The following USP48 variants were observed in gnomAD, a reference collection of about 807,000 sequenced individuals.
The protein encoded by USP48 is ubiquitin specific peptidase 48, also known as ubiquitin carboxyl-terminal hydrolase 48.
USP48 carries 43 observed loss-of-function variants against 150.7 expected under a neutral mutation model. The observed-to-expected ratio is 0.29, with a 90% CI of 0.22 to 0.37. The LOEUF (loss-of-function observed/expected upper bound fraction) is 0.37. USP48 is among the 10% of genes least tolerant of loss of function. USP48 has a pLI of 1.00. For missense variants in USP48, 813 were observed against 1,249.6 expected (o/e 0.65, Z 5.27); for synonymous variants, 396 against 425.9 (o/e 0.93, Z 0.86).
At chr1:21,735,262 T>C (rs900521025) in intron 9 of USP48, among the ~76,000 whole-genome samples, 1 of 152,194 alleles carries the variant, frequency 6.6e-6, no homozygotes, top group African/African-American at 2.4e-5. Context: ...AAACCATCTC[T>C]GGAACAAAAT....
intron 1 of USP48, among the ~76,000 whole-genome samples, chr1:21,770,626 G>A (rs987984626): frequency 1.3e-5 from 2 of 151,284 alleles, no homozygotes; most frequent in Non-Finnish European, 2.9e-5. Flanking sequence ...GACTACAGGC[G>A]CGCACCACCA....
At chr1:21,685,067 C>T (rs1016323871) in intron 25 of USP48, among the ~76,000 whole-genome samples, 1 of 152,058 alleles carries the variant, frequency 6.6e-6, no homozygotes, top group African/African-American at 2.4e-5. Flanking sequence ...TTTTCTATTT[C>T]TGTGAGGAAT....
intron 25 of USP48, among the ~76,000 whole-genome samples, chr1:21,682,639 G>A (rs747537308): frequency 2.0e-4 from 31 of 152,124 alleles, no homozygotes; most frequent in South Asian, 4.1e-4. Context: ...CACACTGGGA[G>A]GCCGAGGCAG....
chr1:21,678,454 G>C lies in USP48; in HGVS notation c.*963C>G, dbSNP rs920505911. ...TTTCCTTTTTTAAACAATGATCTAA[G>C]AGACCCTCTCAGGGCATTTTGGAAT... On this transcript the variant is annotated 3_prime_UTR_variant, in exon 27 of 27. Coordinates refer to ENST00000308271, the MANE Select transcript of USP48 (RefSeq NM_032236.8). 1.3e-5 allele frequency: 2 copies of C among 152,040 alleles called. No homozygotes were observed. Among genetic ancestry groups the C allele is most frequent in the African/African-American group, 4.8e-5 (2 of 41,390 alleles). The allele number at this position is 152,040 out of a possible 1,614,324, so 9.4% of individuals were successfully genotyped here. A position where few individuals can be genotyped will look rare whatever the true frequency, so the allele number is the denominator to read the frequency against.
At chr1:21,773,288 A>G (rs1184761605) in intron 1 of USP48, among the ~76,000 whole-genome samples, 1 of 151,676 alleles carries the variant, frequency 6.6e-6, no homozygotes, top group Non-Finnish European at 1.5e-5. Context: ...AGAAATATTC[A>G]ATAAGCTCTT....
At chr1:21,701,699 G>A (rs777995551) in intron 21 of USP48, 97 bp from the exon 22 acceptor site, 31 of 847,714 alleles carry the variant, frequency 3.7e-5, no homozygotes, top group African/African-American at 6.7e-5. Context: ...TTATCAAGAC[G>A]AGGAACACCT....
At chr1:21,709,612 T>A (rs1341616234) in intron 15 of USP48, among the ~76,000 whole-genome samples, 1 of 151,492 alleles carries the variant, frequency 6.6e-6, no homozygotes, top group Non-Finnish European at 1.5e-5. Flanking sequence ...AGCTTCTTTG[T>A]GTGTGGTATA....
chr1:21,751,456 G>A, intron 6 of USP48, 51 bp downstream of exon 6: 1 of 1,350,412 alleles, frequency 7.4e-7, no homozygotes, highest in Non-Finnish European at 1.1e-6. Flanking sequence ...ATTCAGAACA[G>A]CATTTAACTG....
intron 12 of USP48, among the ~76,000 whole-genome samples, chr1:21,722,131 G>C (rs1415162886): frequency 6.6e-6 from 1 of 152,074 alleles, no homozygotes; most frequent in African/African-American, 2.4e-5. Flanking sequence ...ATGTGAAAGT[G>C]ATCTTCAAAG....
In USP48 at chr1:21,679,270, G is replaced by T; in HGVS notation, c.*147C>A. 4.0e-6 allele frequency: 3 copies of T among 741,122 alleles called. No homozygotes were observed. Among genetic ancestry groups the T allele is most frequent in the Non-Finnish European group, 6.4e-6 (3 of 467,166 alleles). The allele number at this position is 741,122 out of a possible 1,614,324, so 45.9% of individuals were successfully genotyped here. A position where few individuals can be genotyped will look rare whatever the true frequency, so the allele number is the denominator to read the frequency against. On this transcript the variant is annotated 3_prime_UTR_variant, in exon 27 of 27. Transcript: ENST00000308271. ...CTGCTTTATTTGACATAAGGCATTT[G>T]GGACAGTCACGTTTGAATGGATTTC...
intron 1 of USP48, chr1:21,782,150 A>T (rs2097916206): frequency 6.6e-6 from 1 of 152,208 alleles, no homozygotes. Context: ...AAGGTGGAAA[A>T]AAGGGAATAA....
intron 1 of USP48, among the ~76,000 whole-genome samples, chr1:21,774,732 C>A (rs1484776274): frequency 6.6e-6 from 1 of 151,560 alleles, no homozygotes; most frequent in Non-Finnish European, 1.5e-5. Flanking sequence ...TGGCTCACAC[C>A]TGTAATCTCA....
At chr1:21,762,637 G>A (rs999481844) in intron 1 of USP48, among the ~76,000 whole-genome samples, 6 of 152,132 alleles carry the variant, frequency 3.9e-5, no homozygotes, top group African/African-American at 1.4e-4. Flanking sequence ...GGAGGCGGAG[G>A]CGGGTGGATC....
intron 23 of USP48, among the ~76,000 whole-genome samples, chr1:21,693,969 G>A (rs1190569157): frequency 6.6e-6 from 1 of 152,164 alleles, no homozygotes; most frequent in Non-Finnish European, 1.5e-5. Flanking sequence ...TAGCAAAGGA[G>A]GAAATTTGGT....
At chr1:21,698,304 A>G (rs1016698008) in intron 22 of USP48, among the ~76,000 whole-genome samples, 3 of 152,216 alleles carry the variant, frequency 2.0e-5, no homozygotes, top group Non-Finnish European at 2.9e-5. Context: ...ATATCCAAAG[A>G]AGGAAAAGGA....
At chr1:21,689,339 G>A (rs575628706) in intron 24 of USP48, among the ~76,000 whole-genome samples, 12 of 149,216 alleles carry the variant, frequency 8.0e-5, no homozygotes, top group African/African-American at 2.7e-4. Flanking sequence ...GGGGGCGGGG[G>A]GTTGGAGGGC....
At chr1:21,700,488 A>G (rs2097652254) in intron 22 of USP48, among the ~76,000 whole-genome samples, 1 of 152,210 alleles carries the variant, frequency 6.6e-6, no homozygotes, top group South Asian at 2.1e-4. Context: ...TAACAGTATC[A>G]ACATGCAGAC....
Position 21,743,862 on chromosome 1 carries a change from T to C in USP48, c.991+3205A>G, listed in dbSNP as rs181634038. ...AAGAAAAAACTAAAATATGCTGAGATACATGAAACTTCAACTATAGAAGGA... is the reference window on the plus strand; with the variant it reads ...AAGAAAAAACTAAAATATGCTGAGACACATGAAACTTCAACTATAGAAGGA... On this transcript the variant is annotated intron_variant, in intron 8 of 26. Coordinates refer to ENST00000308271, the MANE Select transcript of USP48 (RefSeq NM_032236.8). Among the ~76,000 whole-genome samples, 4 of 152,192 alleles carry C rather than the reference T, an allele frequency of 2.6e-5. No individual in the cohort carries two copies. The East Asian group carries it at 7.7e-4, about 29-fold the overall frequency.
chr1:21,690,046 T>G lies in USP48; in HGVS notation c.2937A>C (p.Gly979=), dbSNP rs1388410020. 1.4e-5 allele frequency: 23 copies of G among 1,614,150 alleles called. No individual in the cohort carries two copies. Among genetic ancestry groups the G allele is most frequent in the Non-Finnish European group, 1.8e-5 (21 of 1,180,022 alleles). The change falls in exon 24 of 27, where the codon GGA becomes GGC. Residue 979 remains glycine, a synonymous_variant. Coordinates refer to ENST00000308271, the MANE Select transcript of USP48 (RefSeq NM_032236.8). Reference sequence around the variant, plus strand: ...TGGCACAGTCATCACTTAAAATCTTTCCATCAATTGACAAATTCTGGTCAA... The same window carrying G: ...TGGCACAGTCATCACTTAAAATCTTGCCATCAATTGACAAATTCTGGTCAA... ...APFDQNLSID[G]KILSDDCATL...
Sources: allele counts gnomAD v4.1 joint callset (sites outside exome capture counted in the v4.1 genomes callset), GRCh38; gene constraint gnomAD v4.1.1; transcripts MANE v1.5; gene names NCBI Gene and HGNC (gene_info 2026-07-23, HGNC 2026-07-21).